UNC13C: variants seen among roughly 807,000 people sequenced by gnomAD.
The protein encoded by UNC13C is protein unc-13 homolog C.
UNC13C carries 174 observed loss-of-function variants against 245.4 expected under a neutral mutation model. The ratio of observed to expected loss-of-function variants is 0.71; its 90% CI spans 0.63 to 0.80. UNC13C has a LOEUF of 0.80. Among genes scored for constraint, UNC13C ranks in the 30% least tolerant of loss-of-function variants. The pLI, the probability that UNC13C is intolerant of heterozygous loss-of-function variation, is 0.00. For missense variants in UNC13C, 2,829 were observed against 2,602.9 expected, an observed-to-expected ratio of 1.09 and a Z score of -1.89; for synonymous variants, 992 against 895.1, an observed-to-expected ratio of 1.11 and a Z score of -1.93.
At chr15:54,109,844 C>A (rs1900675568) in intron 2 of UNC13C, among the ~76,000 whole-genome samples, 1 of 152,052 alleles carries the variant, frequency 6.6e-6, no homozygotes, top group African/African-American at 2.4e-5. Context: ...ATAATCTGTT[C>A]AGACAGACTC....
intron 7 of UNC13C, among the ~76,000 whole-genome samples, chr15:54,242,145 A>C (rs1456071463): frequency 6.6e-6 from 1 of 152,220 alleles, no homozygotes; most frequent in Admixed American, 6.5e-5. Flanking sequence ...TTTTGGCATC[A>C]TTATTAAACT....
chr15:54,272,575 A>G (rs568988342), intron 10 of UNC13C, among the ~76,000 whole-genome samples: 1 of 152,264 alleles, frequency 6.6e-6, no homozygotes, highest in South Asian at 2.1e-4. Flanking sequence ...TTTCTAAAGC[A>G]AGGAGTTTAG....
chr15:54,574,745 G>A (rs567255115), intron 30 of UNC13C, among the ~76,000 whole-genome samples: 33 of 152,224 alleles, frequency 2.2e-4, no homozygotes, highest in African/African-American at 7.9e-4. Context: ...TCTATGATCT[G>A]TCCTATTTTT....
At chr15:54,047,631 A>G (rs1402068504) in intron 2 of UNC13C, among the ~76,000 whole-genome samples, 1 of 152,104 alleles carries the variant, frequency 6.6e-6, no homozygotes, top group East Asian at 1.9e-4. Context: ...ATTGTACCAC[A>G]TTTGTTTATC....
intron 2 of UNC13C, among the ~76,000 whole-genome samples, chr15:54,060,274 A>G (rs1304758289): frequency 1.3e-5 from 2 of 152,242 alleles, no homozygotes; most frequent in Admixed American, 6.5e-5. Flanking sequence ...TTTAGAAGAA[A>G]AAAACAAACA....
intron 30 of UNC13C, among the ~76,000 whole-genome samples, chr15:54,618,071 CATTATTAA>C (rs1900558338): frequency 6.6e-6 from 1 of 152,032 alleles, no homozygotes; most frequent in Admixed American, 6.6e-5. Context: ...TATGAGTAGT[CATTATTAA>C]ATGTGTGAGA....
At chr15:54,321,705 C>T (rs1019809919) in intron 13 of UNC13C, 6 of 454,928 alleles carry the variant, frequency 1.3e-5, no homozygotes, top group South Asian at 2.9e-5. Context: ...AATGCTTTCT[C>T]GGCAGCGTCC....
chr15:54,147,766 TAAG>T (rs1291574961), intron 4 of UNC13C, among the ~76,000 whole-genome samples: 1 of 96,868 alleles, frequency 1.0e-5, no homozygotes, highest in Non-Finnish European at 2.5e-5. Flanking sequence ...GGTTGAATTA[TAAG>T]AAGCATTGCA....
chr15:54,084,213 C>T (rs1482727078), intron 2 of UNC13C, among the ~76,000 whole-genome samples: 2 of 152,208 alleles, frequency 1.3e-5, no homozygotes, highest in African/African-American at 4.8e-5. Context: ...CGTCCATTCA[C>T]AGTAACTGTG....
intron 18 of UNC13C, among the ~76,000 whole-genome samples, chr15:54,408,875 T>C (rs909032881): frequency 2.0e-5 from 3 of 152,230 alleles, no homozygotes; most frequent in Admixed American, 6.5e-5. Context: ...CTGAGAGACA[T>C]CTATTCATGT....
intron 24 of UNC13C, among the ~76,000 whole-genome samples, chr15:54,515,335 C>T (rs1172958485): frequency 6.6e-6 from 1 of 152,044 alleles, no homozygotes; most frequent in African/African-American, 2.4e-5. Flanking sequence ...TATCAGGGTG[C>T]CATGTAATAA....
At chr15:54,123,111 A>T (rs1446904163) in intron 2 of UNC13C, among the ~76,000 whole-genome samples, 1 of 151,850 alleles carries the variant, frequency 6.6e-6, no homozygotes, top group Non-Finnish European at 1.5e-5. Context: ...AACTCTTATT[A>T]TTGTCAGTCT....
At chr15:54,208,441 G>A (rs550271711) in intron 4 of UNC13C, among the ~76,000 whole-genome samples, 1 of 152,066 alleles carries the variant, frequency 6.6e-6, no homozygotes, top group African/African-American at 2.4e-5. Flanking sequence ...TATTGAACAT[G>A]TCAAAGTTGT....
chr15:54,320,289 T>G (rs2038116932), intron 13 of UNC13C, among the ~76,000 whole-genome samples: 1 of 151,980 alleles, frequency 6.6e-6, no homozygotes, highest in African/African-American at 2.4e-5. Context: ...TCCTGCGCAG[T>G]TGCTTTCCGA....
At chr15:54,204,867 C>T (rs1047157572) in intron 4 of UNC13C, among the ~76,000 whole-genome samples, 3 of 151,942 alleles carry the variant, frequency 2.0e-5, no homozygotes, top group Non-Finnish European at 4.4e-5. Flanking sequence ...GTAGAAAATA[C>T]ATGAGTGATT....
chr15:54,369,279 A>G (rs1469333438), intron 17 of UNC13C, among the ~76,000 whole-genome samples: 3 of 151,924 alleles, frequency 2.0e-5, no homozygotes, highest in Non-Finnish European at 4.4e-5. Flanking sequence ...TTTGAGCTGC[A>G]GTTATTTGGG....
chr15:54,428,636 G>A (rs1452371493), intron 19 of UNC13C, among the ~76,000 whole-genome samples: 2 of 151,426 alleles, frequency 1.3e-5, no homozygotes, highest in Admixed American at 1.3e-4. Context: ...TATAACCCTA[G>A]CATCTAGAGA....
Position 54,598,132 on chromosome 15 carries a change from G to A in UNC13C, c.6107-24195G>A, listed in dbSNP as rs575083181. On this transcript the variant is annotated intron_variant, in intron 30 of 32. Coordinates refer to ENST00000260323, the MANE Select transcript of UNC13C (RefSeq NM_001080534.3). ...TATTTTGTTTTTGAGATGGAGTCTC[G>A]CTTTGTCGCCCACGCTGGAATACCA... Among the ~76,000 whole-genome samples, 6 of 152,216 alleles carry A rather than the reference G, an allele frequency of 3.9e-5. No individual in the cohort carries two copies. In the East Asian group the frequency reaches 1.2e-3, roughly 29 times the overall value.
chr15:54,607,035 G>GA (rs961682073), intron 30 of UNC13C, among the ~76,000 whole-genome samples: 12 of 151,906 alleles, frequency 7.9e-5, no homozygotes, highest in South Asian at 2.1e-4. Flanking sequence ...GGTTTTGTGG[G>GA]AAAAAAAATT....
Sources: allele counts gnomAD v4.1 joint callset (sites outside exome capture counted in the v4.1 genomes callset), GRCh38; gene constraint gnomAD v4.1.1; transcripts MANE v1.5; gene names NCBI Gene and HGNC (gene_info 2026-07-23, HGNC 2026-07-21).